The following ACSBG2 variants were observed in gnomAD, a reference collection of about 807,000 sequenced individuals.
ACSBG2 encodes long-chain-fatty-acid--CoA ligase ACSBG2.
In ACSBG2, 62 loss-of-function variants were observed where a neutral mutation model predicts 74.7. The ratio of observed to expected loss-of-function variants is 0.83; its 90% CI spans 0.68 to 1.03. The LOEUF (loss-of-function observed/expected upper bound fraction) is 1.03. ACSBG2 is among the 50% of genes least tolerant of loss of function. The probability of loss-of-function intolerance (pLI) is 0.00; values close to 1 mark genes in which losing one functional copy is unlikely to be tolerated. For synonymous variants in ACSBG2, 309 were observed against 294.1 expected, an observed-to-expected ratio of 1.05 and a Z score of -0.52; for missense variants, 730 against 817.6, an observed-to-expected ratio of 0.89 and a Z score of 1.31.
rs1248332651 is a variant in ACSBG2 at position 6,185,525 on chromosome 19, T to A, written c.1412T>A (p.Ile471Asn). 3.1e-6 allele frequency: 5 copies of A among 1,614,174 alleles called. No homozygotes were observed. Among genetic ancestry groups the A allele is most frequent in the Middle Eastern group, 1.6e-4 (1 of 6,062 alleles). ...IGEICLWGRH[I>N]FMGYLESETE... ...GAGATCTGCCTCTGGGGTAGGCACATCTTCATGGGCTATCTGGAAAGTGAG... is the reference window on the plus strand; with the variant it reads ...GAGATCTGCCTCTGGGGTAGGCACAACTTCATGGGCTATCTGGAAAGTGAG... The change falls in exon 11 of 15, where the codon ATC becomes AAC. Residue 471 changes from isoleucine (I) to asparagine (N), a missense_variant. Transcript: ENST00000588485.
chr19:6,139,844 C>T (rs951925280), intron 1 of ACSBG2, among the ~76,000 whole-genome samples: 1 of 152,018 alleles, frequency 6.6e-6, no homozygotes, highest in African/African-American at 2.4e-5. Context: ...TTTGGGAGGC[C>T]GAGGCAGGCA....
intron 6 of ACSBG2, 149 bp from the exon 7 acceptor site, chr19:6,165,717 C>A: frequency 1.1e-6 from 1 of 925,614 alleles, no homozygotes; most frequent in Non-Finnish European, 1.6e-6. Flanking sequence ...GATCTTGGGA[C>A]TTTTGTAAGA....
rs1014814505 is a variant in ACSBG2, at chr19:6,174,045, C to T, written c.739-3184C>T. ...TCTGCCTCCCAATTTCAAGCGATTC[C>T]CCCACCTCAGCCTCCTGAGTAGCAG... On this transcript the variant is annotated intron_variant, in intron 7 of 14. Coordinates refer to ENST00000588485, the MANE Select transcript of ACSBG2 (RefSeq NM_030924.5). The surrounding 1 kb of genome is among the most constrained non-coding windows in gnomAD (Gnocchi z 4.2). Among the ~76,000 whole-genome samples, 19 of 151,908 alleles carry T rather than the reference C, an allele frequency of 1.3e-4. No homozygotes were observed. Among genetic ancestry groups the T allele is most frequent in the African/African-American group, 4.6e-4 (19 of 41,410 alleles).
intron 1 of ACSBG2, among the ~76,000 whole-genome samples, chr19:6,139,625 T>C (rs1371131544): frequency 6.6e-6 from 1 of 152,198 alleles, no homozygotes; most frequent in Non-Finnish European, 1.5e-5. Flanking sequence ...TCAAGCACGC[T>C]CTTTATCATG....
At chr19:6,141,363 G>T (rs978753673) in intron 1 of ACSBG2, 150 bp from the exon 2 acceptor site, 2 of 559,140 alleles carry the variant, frequency 3.6e-6, no homozygotes, top group Non-Finnish European at 6.4e-6. Context: ...CTGGCATGCC[G>T]GCCACTCTCC....
intron 13 of ACSBG2, among the ~76,000 whole-genome samples, chr19:6,188,142 G>A (rs77545251): frequency 0.065 from 9,955 of 152,168 alleles, 536 homozygotes; most frequent in African/African-American, 0.15. Context: ...TCCAACTATA[G>A]GGCCTTTGCA....
At chr19:6,143,676 G>A (rs2088927885) in intron 2 of ACSBG2, among the ~76,000 whole-genome samples, 1 of 152,100 alleles carries the variant, frequency 6.6e-6, no homozygotes, top group Non-Finnish European at 1.5e-5. Flanking sequence ...TCAGGCTGGG[G>A]TCAGGAAGGC....
chr19:6,165,844 C>T (rs1470958680), intron 6 of ACSBG2, 22 bp from the exon 7 acceptor site: 14 of 1,613,116 alleles, frequency 8.7e-6, no homozygotes, highest in African/African-American at 6.7e-5. Context: ...TCTCATCCTC[C>T]GCTTGTCTTT....
intron 2 of ACSBG2, 88 bp downstream of exon 2, chr19:6,141,698 T>C: frequency 1.1e-6 from 1 of 923,128 alleles, no homozygotes; most frequent in Non-Finnish European, 1.7e-6. Flanking sequence ...TCTAGAAAGA[T>C]GTAGCCATTC....
intron 2 of ACSBG2, among the ~76,000 whole-genome samples, chr19:6,142,549 G>A (rs1441836986): frequency 1.3e-5 from 2 of 151,968 alleles, no homozygotes; most frequent in African/African-American, 4.8e-5. Context: ...TCAGGAGATC[G>A]AGACCATCCT....
At position 6,183,237 on chromosome 19, in the gene ACSBG2, C is replaced by T; in HGVS notation, c.1287C>T (p.His429=). The part of the protein sequence containing the change: ...LYGLSESSGP[H]TISNQNNYRL... ...GGTTGAGTGAGAGCTCGGGACCCCACACGATATCCAACCAGAATAACTACA... is the reference window on the plus strand; with the variant it reads ...GGTTGAGTGAGAGCTCGGGACCCCATACGATATCCAACCAGAATAACTACA... The change falls in exon 10 of 15, where the codon CAC becomes CAT. Residue 429 remains histidine (H), a synonymous_variant. Coordinates refer to ENST00000588485, the MANE Select transcript of ACSBG2 (RefSeq NM_030924.5). 2 of 1,614,182 alleles carry T rather than the reference C, an allele frequency of 1.2e-6. No individual in the cohort carries two copies. Among genetic ancestry groups the T allele is most frequent in the Non-Finnish European group, 1.7e-6 (2 of 1,180,030 alleles).
chr19:6,155,960 C>T (rs905585656), intron 4 of ACSBG2, among the ~76,000 whole-genome samples: 29 of 147,862 alleles, frequency 2.0e-4, no homozygotes, highest in African/African-American at 6.7e-4. Context: ...AAGATTTCAA[C>T]AGAAATGCCA....
At chr19:6,136,568 A>C (rs1168582820) in intron 1 of ACSBG2, among the ~76,000 whole-genome samples, 1 of 151,812 alleles carries the variant, frequency 6.6e-6, no homozygotes, top group Non-Finnish European at 1.5e-5. Context: ...TCACCATGCC[A>C]GCCAGGCTGG....
chr19:6,171,455 AT>A (rs2089963545), intron 7 of ACSBG2, among the ~76,000 whole-genome samples: 1 of 151,776 alleles, frequency 6.6e-6, no homozygotes. Context: ...GAAATATTTT[AT>A]TTCCCATTTA....
At chr19:6,175,377 C>T (rs2090064631) in intron 7 of ACSBG2, 1 of 152,198 alleles carries the variant, frequency 6.6e-6, no homozygotes, top group South Asian at 2.1e-4. Context: ...CAATCTGGAC[C>T]TTGGGAACAG....
chr19:6,140,759 T>C (rs2088795628), intron 1 of ACSBG2, among the ~76,000 whole-genome samples: 1 of 152,222 alleles, frequency 6.6e-6, no homozygotes, highest in African/African-American at 2.4e-5. Flanking sequence ...TGAGAGCACC[T>C]GTTTTCCCAC....
chr19:6,166,040 G>T (rs146938853), intron 7 of ACSBG2, 25 bp downstream of exon 7: 1 of 1,612,604 alleles, frequency 6.2e-7, no homozygotes, highest in African/African-American at 1.3e-5. Context: ...CTTTGCTCTG[G>T]AGTGGTGGCC....
intron 3 of ACSBG2, among the ~76,000 whole-genome samples, chr19:6,149,995 G>T (rs2089178979): frequency 6.6e-6 from 1 of 151,998 alleles, no homozygotes; most frequent in African/African-American, 2.4e-5. Context: ...AGCTACTCGG[G>T]AGGGTGAGGC....
chr19:6,148,287 C>T (rs1460370139), intron 3 of ACSBG2: 2 of 155,462 alleles, frequency 1.3e-5, no homozygotes, highest in African/African-American at 4.8e-5. Context: ...GCCTTCTCCA[C>T]AGAATTGCTT....
Sources: allele counts gnomAD v4.1 joint callset (sites outside exome capture counted in the v4.1 genomes callset), GRCh38; gene constraint gnomAD v4.1.1; non-coding constraint Gnocchi (gnomAD v3.1); transcripts MANE v1.5; gene names NCBI Gene and HGNC (gene_info 2026-07-23, HGNC 2026-07-21).